MTMR8: variants seen among roughly 807,000 people sequenced by gnomAD.
The protein encoded by MTMR8 is phosphatidylinositol-3,5-bisphosphate 3-phosphatase MTMR8.
A neutral mutation model predicts 39.3 loss-of-function variants in MTMR8; 65 were observed. The observed-to-expected ratio is 1.65, with a 90% confidence interval of 1.35 to 2.03. The LOEUF is 2.03. MTMR8 is among the 30% of genes most tolerant of loss of function. The pLI, the probability that MTMR8 is intolerant of heterozygous loss-of-function variation, is 0.00. For synonymous variants in MTMR8, 245 were observed against 185.2 expected, an observed-to-expected ratio of 1.32 and a Z score of -2.62; for missense variants, 777 against 538.9, an observed-to-expected ratio of 1.44 and a Z score of -4.37.
intron 12 of MTMR8, among the ~76,000 whole-genome samples, chrX:64,312,132 A>G (rs1290620637): frequency 9.0e-6 from 1 of 111,660 alleles, no homozygotes; most frequent in Non-Finnish European, 1.9e-5. Context: ...CTTCCTACCC[A>G]TGAGCATGGA....
In MTMR8 at chrX:64,268,430, C is replaced by T. The variant is rs1931675683; in HGVS notation, c.*107G>A. On this transcript the variant is annotated 3_prime_UTR_variant, in exon 14 of 14. Transcript: ENST00000374852. Reference sequence around the variant, plus strand: ...AGACTTAAGTGGGGAGAGGGGTGCCCTGGCTTCACCCACTTAAACCAATTG... The same window carrying T: ...AGACTTAAGTGGGGAGAGGGGTGCCTTGGCTTCACCCACTTAAACCAATTG... The T allele has an allele frequency of 1.0e-6, 1 of 994,990 alleles. No homozygotes were observed. Among genetic ancestry groups the T allele is most frequent in the East Asian group, 3.1e-5 (1 of 32,337 alleles). The allele number at this position is 994,990 out of a possible 1,213,427, so 82.0% of individuals were successfully genotyped here. A position where few individuals can be genotyped will look rare whatever the true frequency, so the allele number is the denominator to read the frequency against.
At chrX:64,364,471 G>A (rs1028777057) in intron 1 of MTMR8, among the ~76,000 whole-genome samples, 2 of 111,847 alleles carry the variant, frequency 1.8e-5, no homozygotes, top group African/African-American at 6.5e-5. Flanking sequence ...AGGCAAACAG[G>A]GTCTGGAGTG....
At chrX:64,342,941 T>C (rs2147226528) in intron 8 of MTMR8, among the ~76,000 whole-genome samples, 1 of 111,997 alleles carries the variant, frequency 8.9e-6, no homozygotes, top group African/African-American at 3.2e-5. Context: ...TTGTTTTTGT[T>C]TTTGTAAGAA....
chrX:64,274,924 T>C (rs1486027758), intron 12 of MTMR8, among the ~76,000 whole-genome samples: 7 of 111,403 alleles, frequency 6.3e-5, no homozygotes, highest in African/African-American at 2.3e-4. Flanking sequence ...TGGGGAGATG[T>C]TGGCCAAAGG....
chrX:64,363,698 T>C (rs1480132832), intron 1 of MTMR8, among the ~76,000 whole-genome samples: 1 of 111,862 alleles, frequency 8.9e-6, no homozygotes, highest in African/African-American at 3.3e-5. Context: ...GATTTCTGCA[T>C]TTCCAACTGA....
At chrX:64,393,142 A>G (rs756169327) in intron 1 of MTMR8, among the ~76,000 whole-genome samples, 2 of 112,004 alleles carry the variant, frequency 1.8e-5, no homozygotes, top group African/African-American at 3.2e-5. Flanking sequence ...AGTTTTCTTG[A>G]GCACGAACCC....
chrX:64,277,436 C>A (rs753245433), intron 12 of MTMR8, among the ~76,000 whole-genome samples: 1 of 111,752 alleles, frequency 8.9e-6, no homozygotes, highest in Non-Finnish European at 1.9e-5. Flanking sequence ...GTAAGGCAGG[C>A]CTGGTGGTGA....
At chrX:64,359,565 C>T (rs757200070) in intron 1 of MTMR8, 38 bp from the exon 2 acceptor site, 3 of 1,165,554 alleles carry the variant, frequency 2.6e-6, no homozygotes, top group Non-Finnish European at 2.3e-6. Flanking sequence ...AAGTTACCAA[C>T]TCACCACCTA....
At chrX:64,369,159 G>A (rs1602151636) in intron 1 of MTMR8, among the ~76,000 whole-genome samples, 1 of 112,109 alleles carries the variant, frequency 8.9e-6, no homozygotes, top group African/African-American at 3.2e-5. Flanking sequence ...CCTTTACACT[G>A]TTGATGGGAG....
Position 64,354,817 on chromosome X carries a change from T to C in MTMR8, c.428A>G (p.Asn143Ser). 2 of 1,205,954 alleles carry C rather than the reference T, an allele frequency of 1.7e-6. No individual in the cohort carries two copies. Among genetic ancestry groups the C allele is most frequent in the Non-Finnish European group, 1.1e-6 (1 of 892,700 alleles). ...GGCATCTGTTATGGTCCAGTTTCTG[T>C]TGGGTATTCCCATACGCCCAAAGTC... Reference protein sequence around the residue: ...ISDFGRMGIPNRNWTITDANR... With the variant: ...ISDFGRMGIPSRNWTITDANR... The change falls in exon 4 of 14, where the codon AAC (asparagine) becomes AGC (serine). Residue 143 changes from asparagine (N) to serine (S), a missense_variant. Asn to Ser is a conservative substitution (Grantham distance 46). Coordinates refer to ENST00000374852, the MANE Select transcript of MTMR8 (RefSeq NM_017677.4).
chrX:64,307,152 T>G (rs990550827), intron 12 of MTMR8, among the ~76,000 whole-genome samples: 1 of 112,233 alleles, frequency 8.9e-6, no homozygotes, highest in African/African-American at 3.2e-5. Flanking sequence ...CTTGATATAT[T>G]CTAGATACTA....
intron 12 of MTMR8, among the ~76,000 whole-genome samples, chrX:64,288,532 G>T (rs1034269336): frequency 7.2e-5 from 8 of 111,504 alleles, no homozygotes; most frequent in Admixed American, 6.7e-4. Flanking sequence ...ATACCCAAAG[G>T]AATATAAATC....
intron 1 of MTMR8, among the ~76,000 whole-genome samples, chrX:64,378,622 T>A (rs1175361670): frequency 2.7e-5 from 3 of 112,136 alleles, no homozygotes; most frequent in African/African-American, 9.7e-5. Context: ...AAATACCTCT[T>A]AAAATTTGAA....
At chrX:64,377,490 C>T (rs1006792595) in intron 1 of MTMR8, among the ~76,000 whole-genome samples, 1 of 112,635 alleles carries the variant, frequency 8.9e-6, no homozygotes, top group Non-Finnish European at 1.9e-5. Context: ...TATTTTGGAG[C>T]TTTAATATTT....
intron 12 of MTMR8, among the ~76,000 whole-genome samples, chrX:64,326,824 C>T (rs1447948618): frequency 1.8e-5 from 2 of 109,191 alleles, no homozygotes; most frequent in Admixed American, 9.8e-5. Context: ...GCTATAGCAA[C>T]CAAAATAGAA....
chrX:64,298,271 C>G (rs1350106739), intron 12 of MTMR8, among the ~76,000 whole-genome samples: 10 of 103,940 alleles, frequency 9.6e-5, no homozygotes, highest in African/African-American at 2.2e-4. Context: ...GCAGTGGTTT[C>G]TAGTTCTCCT....
At chrX:64,365,578 C>T (rs1444727803) in intron 1 of MTMR8, among the ~76,000 whole-genome samples, 1 of 111,692 alleles carries the variant, frequency 9.0e-6, no homozygotes, top group East Asian at 2.8e-4. Flanking sequence ...TTTGTCACCA[C>T]CAGGCTTGCC....
rs764028754 is a variant in MTMR8 at position 64,315,938 on chromosome X, C to T, written c.1481+12834G>A. On this transcript the variant is annotated intron_variant, in intron 12 of 13. Transcript: ENST00000374852. ...TATATTATATGTGTGCCTATACATA[C>T]TCTCTCTGTGTGTCCGTGTATCATC... Among the ~76,000 whole-genome samples the T allele has an allele frequency of 4.5e-5, 5 of 111,293 alleles. No homozygotes were observed. The South Asian group carries it at 1.9e-3, about 43-fold the overall frequency.
intron 12 of MTMR8, among the ~76,000 whole-genome samples, chrX:64,322,169 AT>A (rs200849539): frequency 1.3e-4 from 13 of 103,983 alleles, no homozygotes; most frequent in African/African-American, 4.2e-4. Context: ...TCATTTTTTG[AT>A]TTTTTTTTGT....
Sources: allele counts gnomAD v4.1 joint callset (sites outside exome capture counted in the v4.1 genomes callset), GRCh38; gene constraint gnomAD v4.1.1; transcripts MANE v1.5; gene names NCBI Gene and HGNC (gene_info 2026-07-23, HGNC 2026-07-21).